The following OR56A1 variants were observed in gnomAD, a reference collection of about 807,000 sequenced individuals.
OR56A1 encodes olfactory receptor 56A1.
For synonymous variants in OR56A1, 174 were observed against 159.1 expected (o/e 1.09, Z -0.70); for missense variants, 360 against 380.9 (o/e 0.94, Z 0.46).
At chr11:6,034,130 T>C (rs1848537128), upstream of OR56A1, among the ~76,000 whole-genome samples, 1 of 152,232 alleles carries the variant, frequency 6.6e-6, no homozygotes, top group East Asian at 1.9e-4. Context: ...GGCTGTTTAC[T>C]GAAGTGTTCA....
At position 6,027,168 on chromosome 11, in the gene OR56A1, A is replaced by C. The variant is rs759333614; in HGVS notation, c.525T>G (p.Asn175Lys). The change falls in exon 2 of 2, where the codon AAT (asparagine) becomes AAG (lysine). Residue 175 changes from asparagine to lysine, a missense_variant. Asn to Lys is a moderately conservative substitution (Grantham distance 94). Coordinates refer to ENST00000641900, the MANE Select transcript of OR56A1 (RefSeq NM_001388488.1). ...TGGCACAGATGCAGTTCTCAATGAC[A>C]TTTTCCCCACAGTAATGGAGCAGGG... ...LTSLLHYCGE[N>K]VIENCICANL... is the part of the protein sequence containing the mutation. 6.2e-7 allele frequency: 1 copy of C among 1,614,098 alleles called. No individual in the cohort carries two copies. Among genetic ancestry groups the C allele is most frequent in the African/African-American group, 1.3e-5 (1 of 74,930 alleles).
upstream of OR56A1, among the ~76,000 whole-genome samples, chr11:6,033,363 CTAAT>C: frequency 6.6e-6 from 1 of 151,006 alleles, no homozygotes; most frequent in East Asian, 1.9e-4. Context: ...AGAGTAAAAA[CTAAT>C]TTATTGTTTC....
Position 6,020,292 on chromosome 11 carries a change from C to T in OR56A1, c.*6456G>A, listed in dbSNP as rs1198045402. ...AACTGAATTTCTTTGGCTATTCAGGCTCTTTTTTGGTTTCATATGAATTTT... is the reference window on the plus strand; with the variant it reads ...AACTGAATTTCTTTGGCTATTCAGGTTCTTTTTTGGTTTCATATGAATTTT... On this transcript the variant is annotated 3_prime_UTR_variant, in exon 2 of 2. Coordinates refer to ENST00000641900, the MANE Select transcript of OR56A1 (RefSeq NM_001388488.1). 6.6e-6 allele frequency: 1 copy of T among 152,080 alleles called. No individual in the cohort carries two copies. Among genetic ancestry groups the T allele is most frequent in the African/African-American group, 2.4e-5 (1 of 41,410 alleles). The allele number at this position is 152,080 out of a possible 1,614,324, so 9.4% of individuals were successfully genotyped here.
rs1450203679 is a variant in OR56A1, at chr11:6,020,733, A to C, written c.*6015T>G. ...CTAGACTGTGGGGTTTTCTATATAT[A>C]GAATCATGTCATCTGCAAACAGAGA... On this transcript the variant is annotated 3_prime_UTR_variant, in exon 2 of 2. Transcript: ENST00000641900. 5 of 152,078 alleles carry C rather than the reference A, an allele frequency of 3.3e-5. No individual in the cohort carries two copies. The highest frequency in any genetic ancestry group is 7.4e-5 in the Non-Finnish European group (5 of 67,968). The allele number at this position is 152,078 out of a possible 1,614,324, so 9.4% of individuals were successfully genotyped here. A position where few individuals can be genotyped will look rare whatever the true frequency, so the allele number is the denominator to read the frequency against.
rs2133595831 is a variant in OR56A1, at chr11:6,021,280, T to C, written c.*5468A>G. On this transcript the variant is annotated 3_prime_UTR_variant, in exon 2 of 2. Transcript: ENST00000641900. ...TTTGCTTTAGAATTTAAAAAATGTA[T>C]TGATCCTACACAAATTACAATTAGA... The C allele has an allele frequency of 6.6e-6, 1 of 152,204 alleles. No homozygotes were observed. The highest frequency in any genetic ancestry group is 2.1e-4 in the South Asian group (1 of 4,828). The allele number at this position is 152,204 out of a possible 1,614,324, so 9.4% of individuals were successfully genotyped here.
chr11:6,029,664 T>A (rs1362876168), intron 1 of OR56A1, among the ~76,000 whole-genome samples: 2 of 152,178 alleles, frequency 1.3e-5, no homozygotes, highest in African/African-American at 4.8e-5. Context: ...AGACTTCTAG[T>A]TTACCTTGTA....
rs1223529985 is a variant in OR56A1 at position 6,025,596 on chromosome 11, T to A, written c.*1152A>T. On this transcript the variant is annotated 3_prime_UTR_variant, in exon 2 of 2. Coordinates refer to ENST00000641900, the MANE Select transcript of OR56A1 (RefSeq NM_001388488.1). ...CCAGCACCATCAAGGTAGTGTCCCA[T>A]CCTCAAAGGTTTTAGTCCCAGCTCT... The A allele has an allele frequency of 6.6e-6, 1 of 152,196 alleles. No homozygotes were observed. The highest frequency in any genetic ancestry group is 1.5e-5 in the Non-Finnish European group (1 of 68,028). The allele number at this position is 152,196 out of a possible 1,614,324, so 9.4% of individuals were successfully genotyped here. A position where few individuals can be genotyped will look rare whatever the true frequency, so the allele number is the denominator to read the frequency against.
At chr11:6,034,051 C>T (rs1233931488), upstream of OR56A1, among the ~76,000 whole-genome samples, 1 of 152,166 alleles carries the variant, frequency 6.6e-6, no homozygotes, top group African/African-American at 2.4e-5. Context: ...ACTTGCACTA[C>T]ATACCCTACC....
intron 1 of OR56A1, among the ~76,000 whole-genome samples, chr11:6,029,135 G>C (rs932137082): frequency 1.3e-5 from 2 of 152,142 alleles, no homozygotes; most frequent in Admixed American, 1.3e-4. Context: ...ACTCAGAAGG[G>C]TGAGGCGGGT....
At position 6,025,000 on chromosome 11, in the gene OR56A1, T is replaced by C. The variant is rs1050914282; in HGVS notation, c.*1748A>G. On this transcript the variant is annotated 3_prime_UTR_variant, in exon 2 of 2. Coordinates refer to ENST00000641900, the MANE Select transcript of OR56A1 (RefSeq NM_001388488.1). The stretch of plus-strand genomic sequence containing the variant: ...TCTCCTCCTAGAGCCCACACCAGCA[T>C]TGGGTTACAGTTACTTTATCTAATC... The C allele has an allele frequency of 6.6e-6, 1 of 152,154 alleles. No individual in the cohort carries two copies. The highest frequency in any genetic ancestry group is 6.5e-5 in the Admixed American group (1 of 15,280). The allele number at this position is 152,154 out of a possible 1,614,324, so 9.4% of individuals were successfully genotyped here. A position where few individuals can be genotyped will look rare whatever the true frequency, so the allele number is the denominator to read the frequency against.
In OR56A1 at chr11:6,026,537, T is replaced by G. The variant is rs1294375330; in HGVS notation, c.*211A>C. On this transcript the variant is annotated 3_prime_UTR_variant, in exon 2 of 2. Transcript: ENST00000641900. ...ATTACTTAAATGTAACTGCCAAGGT[T>G]CAAAGCAGCCACTCAATAAATACGA... The G allele has an allele frequency of 1.9e-6, 1 of 516,536 alleles. No individual in the cohort carries two copies. The highest frequency in any genetic ancestry group is 3.0e-5 in the East Asian group (1 of 33,210). 32.0% of individuals were successfully genotyped at this position (516,536 alleles called of 1,614,324 possible). A position where few individuals can be genotyped will look rare whatever the true frequency, so the allele number is the denominator to read the frequency against.
chr11:6,027,734 T>G lies in OR56A1; in HGVS notation c.-34-8A>C, dbSNP rs1848471399. The G allele has an allele frequency of 3.5e-6, 5 of 1,423,144 alleles. No individual in the cohort carries two copies. In the African/African-American group the frequency reaches 5.7e-5, roughly 16 times the overall value. The allele number at this position is 1,423,144 out of a possible 1,614,324, so 88.2% of individuals were successfully genotyped here. ...TGAGTAGGCTTCTGATGACTATGTTTATGGGCAGATACAAGAGGTTATTTT... is the reference window on the plus strand; with the variant it reads ...TGAGTAGGCTTCTGATGACTATGTTGATGGGCAGATACAAGAGGTTATTTT... On this transcript the variant is annotated splice_polypyrimidine_tract_variant and splice_region_variant and intron_variant, in intron 1 of 1. Transcript: ENST00000641900.
chr11:6,029,015 A>T (rs1848485858), intron 1 of OR56A1, among the ~76,000 whole-genome samples: 1 of 152,160 alleles, frequency 6.6e-6, no homozygotes, highest in Non-Finnish European at 1.5e-5. Flanking sequence ...CCATTATCTT[A>T]AATGAAACAA....
Position 6,027,829 on chromosome 11 carries a change from G to A in OR56A1, c.-34-103C>T, listed in dbSNP as rs1848472415. On this transcript the variant is annotated intron_variant, in intron 1 of 1. Transcript: ENST00000641900. ...AGCCAATGATAGGTAGTTCACTTTTGCCAAGTAAGGCAAATTTCAGCCAAT... is the reference window on the plus strand; with the variant it reads ...AGCCAATGATAGGTAGTTCACTTTTACCAAGTAAGGCAAATTTCAGCCAAT... 1.3e-5 allele frequency: 9 copies of A among 692,880 alleles called. No homozygotes were observed. The South Asian group carries it at 1.8e-4, about 14-fold the overall frequency. 42.9% of individuals were successfully genotyped at this position (692,880 alleles called of 1,614,324 possible). A position where few individuals can be genotyped will look rare whatever the true frequency, so the allele number is the denominator to read the frequency against.
In OR56A1 at chr11:6,027,105, G is replaced by A; in HGVS notation, c.588C>T (p.Thr196=). The change falls in exon 2 of 2, where the codon ACC becomes ACT. Residue 196 remains threonine (T), a synonymous_variant. Coordinates refer to ENST00000641900, the MANE Select transcript of OR56A1 (RefSeq NM_001388488.1). The part of the protein sequence containing the change: ...SVSRLSCDNF[T]LNRIYQFVAG... The stretch of plus-strand genomic sequence containing the variant: ...CCACAAATTGGTAGATTCTGTTAAG[G>A]GTGAAATTATCACAGGAGAGCCTGG... The A allele has an allele frequency of 6.2e-7, 1 of 1,614,090 alleles. No homozygotes were observed. Among genetic ancestry groups the A allele is most frequent in the South Asian group, 1.1e-5 (1 of 91,080 alleles).
chr11:6,026,866 A>G lies in OR56A1; in HGVS notation c.827T>C (p.Leu276Pro). The stretch of plus-strand genomic sequence containing the variant: ...GTGATGAAGGACGTTCAGCAGGATC[A>G]GGATGTCCATGGGGACCTTCTTTCT... ...VARKKVPMDI[L>P]ILLNVLHHLI... Residue 276 changes from leucine to proline, a missense_variant, in exon 2 of 2, where the codon CTG becomes CCG. Physicochemically the swap from Leu to Pro is moderately conservative, Grantham distance 98. Transcript: ENST00000641900. The G allele has an allele frequency of 1.9e-6, 3 of 1,614,104 alleles. No individual in the cohort carries two copies. The highest frequency in any genetic ancestry group is 1.7e-6 in the Non-Finnish European group (2 of 1,179,876).
chr11:6,019,714 A>G lies in OR56A1; in HGVS notation c.*7034T>C, dbSNP rs1005938903. 1 of 152,180 alleles carries G rather than the reference A, an allele frequency of 6.6e-6. No individual in the cohort carries two copies. The highest frequency in any genetic ancestry group is 1.5e-5 in the Non-Finnish European group (1 of 68,002). The allele number at this position is 152,180 out of a possible 1,614,324, so 9.4% of individuals were successfully genotyped here. Reference sequence around the variant, plus strand: ...ATTGTCTTTCCAATTTAAAAAGACAATATGTCAGGCAACAGCATAACTAAG... The same window carrying G: ...ATTGTCTTTCCAATTTAAAAAGACAGTATGTCAGGCAACAGCATAACTAAG... On this transcript the variant is annotated 3_prime_UTR_variant, in exon 2 of 2. Transcript: ENST00000641900.
chr11:6,029,888 C>G (rs536027310), intron 1 of OR56A1, among the ~76,000 whole-genome samples: 1 of 152,138 alleles, frequency 6.6e-6, no homozygotes, highest in Non-Finnish European at 1.5e-5. Flanking sequence ...ACTTAGACCT[C>G]TCCAGAAGCC....
chr11:6,034,319 C>G (rs1848539609), upstream of OR56A1: 1 of 152,314 alleles, frequency 6.6e-6, no homozygotes, highest in African/African-American at 2.4e-5. Context: ...AGTGTTGTAA[C>G]TGCTGCAGGG....
Sources: gnomAD v4.1 joint callset for allele counts (sites outside exome capture counted in the v4.1 genomes callset) on GRCh38, gnomAD v4.1.1 for gene constraint, MANE v1.5 for transcripts, NCBI Gene and HGNC (gene_info 2026-07-23, HGNC 2026-07-21) for gene names.